Variants in CTNNA2 observed in about 807,000 individuals in gnomAD.
CTNNA2 encodes the protein catenin alpha-2.
In CTNNA2, 42 loss-of-function variants were observed where a neutral mutation model predicts 101.0. That is an observed-to-expected ratio of 0.42 (90% CI 0.32 to 0.54). CTNNA2 has a LOEUF of 0.54. Ranked by LOEUF, CTNNA2 falls within the 20% of genes least tolerant of loss-of-function variation. The pLI, the probability that CTNNA2 is intolerant of heterozygous loss-of-function variation, is 0.14. For synonymous variants in CTNNA2, 450 were observed against 456.4 expected (o/e 0.99, Z 0.18); for missense variants, 871 against 1,223.1 (o/e 0.71, Z 4.29).
chr2:79,560,218 G>A (rs1473652269), intron 1 of CTNNA2, among the ~76,000 whole-genome samples: 1 of 151,758 alleles, frequency 6.6e-6, no homozygotes, highest in Non-Finnish European at 1.5e-5. Flanking sequence ...TACTGGCTTT[G>A]GTCATTAGGA....
intron 2 of CTNNA2, among the ~76,000 whole-genome samples, chr2:79,688,936 G>T (rs569793137): frequency 6.6e-6 from 1 of 151,956 alleles, no homozygotes; most frequent in Non-Finnish European, 1.5e-5. Flanking sequence ...TCTCTGTGCC[G>T]TGGTGTTTGA....
At chr2:80,149,774 T>TCTCACACACACACACACACA (rs377159450) in intron 7 of CTNNA2, among the ~76,000 whole-genome samples, 4 of 143,298 alleles carry the variant, frequency 2.8e-5, no homozygotes, top group African/African-American at 1.0e-4. Flanking sequence ...TTAGAATGGA[T>TCTCACACACACACACACACA]CACACACACA....
chr2:79,374,448 C>A (rs573703916), intron 4 of CTNNA2, among the ~76,000 whole-genome samples: 2 of 152,032 alleles, frequency 1.3e-5, no homozygotes, highest in Admixed American at 6.6e-5. Flanking sequence ...AAATAAAATT[C>A]TTTATCTCCT....
intron 4 of CTNNA2, among the ~76,000 whole-genome samples, chr2:79,425,391 G>C (rs1414102487): frequency 3.3e-5 from 5 of 152,114 alleles, no homozygotes; most frequent in East Asian, 1.9e-4. Flanking sequence ...AAATACCTCA[G>C]ACTGGATAAT....
chr2:79,521,967 A>G (rs1003187836), intron 1 of CTNNA2, among the ~76,000 whole-genome samples: 2 of 152,188 alleles, frequency 1.3e-5, no homozygotes, highest in Non-Finnish European at 1.5e-5. Context: ...TGGGACAGGA[A>G]GCAAAAGTCA....
intron 7 of CTNNA2, among the ~76,000 whole-genome samples, chr2:79,921,220 G>A (rs1419183793): frequency 6.6e-6 from 1 of 152,174 alleles, no homozygotes. Flanking sequence ...TTATGAGCAG[G>A]CATGTTAGGG....
chr2:80,425,627 A>C (rs1429168622), intron 9 of CTNNA2, among the ~76,000 whole-genome samples: 1 of 152,186 alleles, frequency 6.6e-6, no homozygotes, highest in Admixed American at 6.5e-5. Flanking sequence ...TCAATCTATG[A>C]ATCAGTGATG....
At chr2:79,905,462 C>T (rs1685354319) in intron 6 of CTNNA2, among the ~76,000 whole-genome samples, 1 of 152,138 alleles carries the variant, frequency 6.6e-6, no homozygotes, top group South Asian at 2.1e-4. Flanking sequence ...TTGTAAACAG[C>T]ATAAGAGCCG....
At chr2:79,735,814 A>C (rs1320732446) in intron 2 of CTNNA2, among the ~76,000 whole-genome samples, 1 of 152,148 alleles carries the variant, frequency 6.6e-6, no homozygotes, top group Non-Finnish European at 1.5e-5. Flanking sequence ...ATGCATCTGA[A>C]TTCTATGCAG....
chr2:79,971,433 G>T (rs1690475762), intron 7 of CTNNA2, among the ~76,000 whole-genome samples: 1 of 151,912 alleles, frequency 6.6e-6, no homozygotes, highest in African/African-American at 2.4e-5. Context: ...TCTCCACAGT[G>T]CCTCGATAAA....
intron 12 of CTNNA2, among the ~76,000 whole-genome samples, chr2:80,563,833 C>T (rs1230116395): frequency 6.6e-6 from 1 of 152,182 alleles, no homozygotes; most frequent in African/African-American, 2.4e-5. Context: ...CTACCATATA[C>T]TGCCAAGTAT....
chr2:79,601,245 C>A (rs1004805457), intron 1 of CTNNA2, among the ~76,000 whole-genome samples: 1 of 152,138 alleles, frequency 6.6e-6, no homozygotes, highest in Non-Finnish European at 1.5e-5. Flanking sequence ...AGAAACATAA[C>A]CCAAGATAAG....
chr2:79,248,620 A>G (rs1274033486), intron 2 of CTNNA2, among the ~76,000 whole-genome samples: 1 of 152,214 alleles, frequency 6.6e-6, no homozygotes, highest in African/African-American at 2.4e-5. Context: ...TAAATGCCAT[A>G]TCATCTGCAT....
chr2:79,300,032 A>C (rs928348636), intron 2 of CTNNA2, among the ~76,000 whole-genome samples: 1 of 152,220 alleles, frequency 6.6e-6, no homozygotes, highest in African/African-American at 2.4e-5. Flanking sequence ...TACATTTGTT[A>C]CAATTGATGA....
chr2:79,487,579 G>C (rs1671170089), intron 4 of CTNNA2, among the ~76,000 whole-genome samples: 1 of 152,194 alleles, frequency 6.6e-6, no homozygotes, highest in South Asian at 2.1e-4. Context: ...GAGGCCACGT[G>C]CAAGTGCTCC....
intron 18 of CTNNA2, among the ~76,000 whole-genome samples, chr2:80,632,946 T>C (rs887688851): frequency 6.6e-6 from 1 of 152,176 alleles, no homozygotes; most frequent in Admixed American, 6.6e-5. Context: ...GATTACAGAG[T>C]GTCCAAACTT....
intron 3 of CTNNA2, among the ~76,000 whole-genome samples, chr2:79,345,758 T>C (rs968035474): frequency 6.6e-6 from 1 of 152,052 alleles, no homozygotes; most frequent in Non-Finnish European, 1.5e-5. Flanking sequence ...AGTGGCACAG[T>C]TTCGACTCAC....
At chr2:79,579,258 G>GCTTC (rs796637765) in intron 1 of CTNNA2, among the ~76,000 whole-genome samples, 63 of 102,804 alleles carry the variant, frequency 6.1e-4, no homozygotes, top group South Asian at 2.6e-3. Context: ...TCCCTCCCTC[G>GCTTC]CTTCCTTCCT....
intron 3 of CTNNA2, among the ~76,000 whole-genome samples, chr2:79,747,975 C>T (rs567597243): frequency 9.2e-5 from 14 of 152,232 alleles, no homozygotes; most frequent in African/African-American, 3.4e-4. Flanking sequence ...TTAAAATTTG[C>T]TTTGTTATTT....
Sources: allele counts gnomAD v4.1 joint callset (sites outside exome capture counted in the v4.1 genomes callset), GRCh38; gene constraint gnomAD v4.1.1; transcripts MANE v1.5; gene names NCBI Gene and HGNC (gene_info 2026-07-23, HGNC 2026-07-21).